The following MACROD2 variants were observed in gnomAD, a reference collection of about 807,000 sequenced individuals.
The protein encoded by MACROD2 is ADP-ribose glycohydrolase MACROD2.
Under a neutral mutation model 70.4 loss-of-function variants are expected in MACROD2, and 36 were observed. The ratio of observed to expected loss-of-function variants is 0.51; its 90% CI spans 0.39 to 0.68. MACROD2 has a LOEUF of 0.68. Among genes scored for constraint, MACROD2 ranks in the 30% least tolerant of loss-of-function variants. The probability of loss-of-function intolerance (pLI) is 0.00; values close to 1 mark genes in which losing one functional copy is unlikely to be tolerated. For synonymous variants in MACROD2, 172 were observed against 178.8 expected, an observed-to-expected ratio of 0.96 and a Z score of 0.30; for missense variants, 496 against 538.4, an observed-to-expected ratio of 0.92 and a Z score of 0.78.
intron 10 of MACROD2, among the ~76,000 whole-genome samples, chr20:15,902,978 A>G (rs1038007944): frequency 3.3e-5 from 5 of 152,086 alleles, no homozygotes; most frequent in African/African-American, 1.2e-4. Context: ...GTTTTAAAAT[A>G]TGTTAGATCT....
At chr20:14,696,879 T>G (rs2071132026) in intron 5 of MACROD2, among the ~76,000 whole-genome samples, 1 of 152,206 alleles carries the variant, frequency 6.6e-6, no homozygotes, top group Middle Eastern at 3.2e-3. Flanking sequence ...CCTTCCGTAC[T>G]GGGCTGGTTG....
intron 8 of MACROD2, among the ~76,000 whole-genome samples, chr20:15,821,624 T>A (rs1044256623): frequency 2.6e-5 from 4 of 152,206 alleles, no homozygotes; most frequent in Non-Finnish European, 5.9e-5. Flanking sequence ...ATTGAAAATG[T>A]TCAAAAAATG....
At chr20:15,205,087 A>G (rs1051906958) in intron 5 of MACROD2, among the ~76,000 whole-genome samples, 8 of 152,292 alleles carry the variant, frequency 5.3e-5, no homozygotes, top group Middle Eastern at 3.4e-3. Context: ...CTGTACTTTA[A>G]TCGTTATCTC....
intron 12 of MACROD2, among the ~76,000 whole-genome samples, chr20:15,945,258 G>A (rs538251433): frequency 6.6e-6 from 1 of 151,986 alleles, no homozygotes; most frequent in Non-Finnish European, 1.5e-5. Context: ...TACAAATATT[G>A]TATTATATTC....
intron 6 of MACROD2, among the ~76,000 whole-genome samples, chr20:15,319,588 C>T (rs2077850889): frequency 6.6e-6 from 1 of 152,120 alleles, no homozygotes; most frequent in African/African-American, 2.4e-5. Context: ...TTTGGCAGTT[C>T]CTTAAAAGGC....
At chr20:15,388,310 C>T (rs1458592695) in intron 6 of MACROD2, among the ~76,000 whole-genome samples, 2 of 151,940 alleles carry the variant, frequency 1.3e-5, no homozygotes, top group African/African-American at 2.4e-5. Flanking sequence ...TTCAAAGACA[C>T]CAAGATGTTT....
At chr20:15,502,916 A>G (rs1368455555) in intron 8 of MACROD2, among the ~76,000 whole-genome samples, 2 of 152,214 alleles carry the variant, frequency 1.3e-5, no homozygotes, top group African/African-American at 4.8e-5. Flanking sequence ...CATCTATCAC[A>G]TGACAAGAAA....
At chr20:15,391,518 C>T (rs1255023616) in intron 6 of MACROD2, among the ~76,000 whole-genome samples, 1 of 152,184 alleles carries the variant, frequency 6.6e-6, no homozygotes, top group African/African-American at 2.4e-5. Flanking sequence ...CCGGCCACAG[C>T]CGTAAGTCTC....
chr20:15,944,110 T>C (rs1395450151), intron 12 of MACROD2, among the ~76,000 whole-genome samples: 1 of 152,114 alleles, frequency 6.6e-6, no homozygotes, highest in Non-Finnish European at 1.5e-5. Flanking sequence ...TTTCTTCCTA[T>C]TACAAATAAT....
At chr20:15,638,045 G>C (rs1289224598) in intron 8 of MACROD2, among the ~76,000 whole-genome samples, 1 of 152,154 alleles carries the variant, frequency 6.6e-6, no homozygotes, top group Non-Finnish European at 1.5e-5. Flanking sequence ...TTTTTTACGA[G>C]GCTTGTGTTG....
chr20:14,250,963 A>C (rs1040464352), intron 3 of MACROD2, among the ~76,000 whole-genome samples: 6 of 152,132 alleles, frequency 3.9e-5, no homozygotes, highest in Non-Finnish European at 8.8e-5. Flanking sequence ...TTGTCAGCAA[A>C]TACTGTGACT....
chr20:15,507,447 T>C (rs2047441357), intron 8 of MACROD2, among the ~76,000 whole-genome samples: 2 of 151,526 alleles, frequency 1.3e-5, no homozygotes, highest in South Asian at 4.2e-4. Context: ...TTCCTTTCTT[T>C]TTCTTTTTTA....
chr20:14,820,561 G>A (rs1177989201), intron 5 of MACROD2, among the ~76,000 whole-genome samples: 1 of 151,904 alleles, frequency 6.6e-6, no homozygotes, highest in Admixed American at 6.6e-5. Flanking sequence ...AATTAAGTGA[G>A]CTTCCCTACA....
At chr20:15,086,929 T>A (rs1162580894) in intron 5 of MACROD2, among the ~76,000 whole-genome samples, 1 of 152,132 alleles carries the variant, frequency 6.6e-6, no homozygotes. Context: ...TGATGGTCCT[T>A]CCATATTTTT....
At chr20:15,394,270 A>G (rs2045832043) in intron 6 of MACROD2, among the ~76,000 whole-genome samples, 1 of 152,242 alleles carries the variant, frequency 6.6e-6, no homozygotes, top group Non-Finnish European at 1.5e-5. Flanking sequence ...TATTAGAACA[A>G]GAAAGGAAAA....
intron 8 of MACROD2, among the ~76,000 whole-genome samples, chr20:15,685,926 T>C (rs572767320): frequency 6.6e-6 from 1 of 152,334 alleles, no homozygotes; most frequent in South Asian, 2.1e-4. Flanking sequence ...GACTGTTGGC[T>C]CTTCCATGGC....
intron 4 of MACROD2, among the ~76,000 whole-genome samples, chr20:14,574,729 C>T (rs1012111992): frequency 1.3e-5 from 2 of 151,102 alleles, no homozygotes. Flanking sequence ...TAAATATTCA[C>T]GGCCGGGCGC....
At chr20:15,379,228 G>A (rs977285918) in intron 6 of MACROD2, among the ~76,000 whole-genome samples, 23 of 152,136 alleles carry the variant, frequency 1.5e-4, no homozygotes, top group African/African-American at 5.6e-4. Flanking sequence ...TAAAGTTTAG[G>A]AAGTGGATAG....
intron 5 of MACROD2, among the ~76,000 whole-genome samples, chr20:14,846,364 C>G (rs2073140401): frequency 6.6e-6 from 1 of 152,012 alleles, no homozygotes; most frequent in South Asian, 2.1e-4. Flanking sequence ...GCTGGAGTTA[C>G]AGGCGCACGC....
Sources: gnomAD v4.1 joint callset for allele counts (sites outside exome capture counted in the v4.1 genomes callset) on GRCh38, gnomAD v4.1.1 for gene constraint, MANE v1.5 for transcripts, NCBI Gene and HGNC (gene_info 2026-07-23, HGNC 2026-07-21) for gene names.